Variants in SDK2 observed in about 807,000 individuals in gnomAD.
SDK2 encodes protein sidekick-2.
SDK2 carries 105 observed loss-of-function variants against 253.9 expected under a neutral mutation model. That is an observed-to-expected ratio of 0.41 (90% CI 0.35 to 0.49). The LOEUF is 0.49. Ranked by LOEUF, SDK2 falls within the 20% of genes least tolerant of loss-of-function variation. The pLI is 0.06. For synonymous variants in SDK2, 1,249 were observed against 1,234.9 expected (o/e 1.01, Z -0.24); for missense variants, 2,608 against 3,003.0 (o/e 0.87, Z 3.07).
intron 2 of SDK2, among the ~76,000 whole-genome samples, chr17:73,503,813 G>A (rs2063909619): frequency 1.3e-5 from 2 of 152,178 alleles, no homozygotes; most frequent in African/African-American, 2.4e-5. Flanking sequence ...GGTCAGGGAT[G>A]GTCTGAGCTG....
intron 38 of SDK2, among the ~76,000 whole-genome samples, chr17:73,364,602 G>A (rs1327689279): frequency 2.0e-5 from 3 of 152,204 alleles, no homozygotes; most frequent in African/African-American, 7.2e-5. Flanking sequence ...AGGACCCTCA[G>A]GGGCTCCCCT....
At position 73,354,680 on chromosome 17, in the gene SDK2, A is replaced by C. The variant is rs368460522; in HGVS notation, c.5594-2043T>G. 3.3e-5 allele frequency among the ~76,000 whole-genome samples: 5 copies of C among 152,274 alleles called. No individual in the cohort carries two copies. The East Asian group carries it at 5.8e-4, about 18-fold the overall frequency. ...GCTCCAGGGAGGTCACCCAGTGGCC[A>C]ACAGTGGGTCTTCCAGGCCGCTGCC... On this transcript the variant is annotated intron_variant, in intron 40 of 44. Coordinates refer to ENST00000392650, the MANE Select transcript of SDK2 (RefSeq NM_001144952.2).
chr17:73,583,363 C>G (rs1474670668), intron 1 of SDK2, among the ~76,000 whole-genome samples: 1 of 152,222 alleles, frequency 6.6e-6, no homozygotes, highest in African/African-American at 2.4e-5. Flanking sequence ...CCCATCTTCT[C>G]TCCCACTCGG....
chr17:73,473,775 G>A (rs1184694568), intron 2 of SDK2, among the ~76,000 whole-genome samples: 3 of 152,018 alleles, frequency 2.0e-5, no homozygotes, highest in Non-Finnish European at 2.9e-5. Flanking sequence ...TAAAAAAGTG[G>A]GACCAACATG....
chr17:73,578,311 C>T (rs9894362), intron 1 of SDK2, among the ~76,000 whole-genome samples: 28,506 of 152,014 alleles, frequency 0.19, 2,956 homozygotes, highest in African/African-American at 0.25. Flanking sequence ...GCAATCTGCC[C>T]GCCTCGGCCT....
chr17:73,563,070 A>T (rs1442601681), intron 1 of SDK2, among the ~76,000 whole-genome samples: 1 of 152,118 alleles, frequency 6.6e-6, no homozygotes, highest in Non-Finnish European at 1.5e-5. Flanking sequence ...CTGCCGCCCC[A>T]CCCTGGTCCT....
At chr17:73,432,826 G>A (rs539287126) in intron 10 of SDK2, among the ~76,000 whole-genome samples, 10 of 149,744 alleles carry the variant, frequency 6.7e-5, no homozygotes, top group African/African-American at 9.7e-5. Context: ...GTGTATGTAC[G>A]TGTGCATGTA....
At chr17:73,387,792 G>A (rs374081798) in intron 30 of SDK2, 44 bp downstream of exon 30, 96 of 1,485,576 alleles carry the variant, frequency 6.5e-5, no homozygotes, top group African/African-American at 8.3e-5. Flanking sequence ...TGGTCCCGGC[G>A]GGGAGAGGGG....
At chr17:73,375,433 G>T (rs1196680127) in intron 36 of SDK2, among the ~76,000 whole-genome samples, 1 of 151,826 alleles carries the variant, frequency 6.6e-6, no homozygotes, top group South Asian at 2.1e-4. Context: ...TTTTTGTAGA[G>T]ACAGGCTTTT....
intron 1 of SDK2, among the ~76,000 whole-genome samples, chr17:73,627,559 T>G (rs757851466): frequency 6.6e-6 from 1 of 152,200 alleles, no homozygotes; most frequent in Non-Finnish European, 1.5e-5. Context: ...CACAAAGTCC[T>G]GGGCCAAGGG....
rs571037184 is a variant in SDK2, at chr17:73,570,054, C to T, written c.65-62457G>A. Reference sequence around the variant, plus strand: ...TCAGCGCTCTAACTCTTTCAGGCTTCGGCTGGGGAAGGAAGAGAGTCAGGC... The same window carrying T: ...TCAGCGCTCTAACTCTTTCAGGCTTTGGCTGGGGAAGGAAGAGAGTCAGGC... On this transcript the variant is annotated intron_variant, in intron 1 of 44. Transcript: ENST00000392650. The surrounding 1 kb of genome is among the most constrained non-coding windows in gnomAD (Gnocchi z 4.2). 2.4e-4 allele frequency among the ~76,000 whole-genome samples: 37 copies of T among 152,212 alleles called. No individual in the cohort carries two copies. In the South Asian group the frequency reaches 4.8e-3, roughly 20 times the overall value.
intron 4 of SDK2, among the ~76,000 whole-genome samples, chr17:73,452,346 C>A (rs887277920): frequency 6.6e-6 from 1 of 152,086 alleles, no homozygotes. Flanking sequence ...GAATTTGCTG[C>A]CAGGGACCTT....
chr17:73,585,978 G>A (rs1218017087), intron 1 of SDK2, among the ~76,000 whole-genome samples: 6 of 152,176 alleles, frequency 3.9e-5, no homozygotes, highest in Admixed American at 2.0e-4. Context: ...GGATGTACTC[G>A]GAAAGGGACA....
chr17:73,425,492 G>A (rs990521647), intron 12 of SDK2, among the ~76,000 whole-genome samples: 3 of 152,082 alleles, frequency 2.0e-5, no homozygotes, highest in Non-Finnish European at 4.4e-5. Context: ...TTGTGATCTT[G>A]GGTGAGCTAA....
chr17:73,486,627 AAAAAAAG>A (rs1362206889), intron 2 of SDK2, among the ~76,000 whole-genome samples: 4 of 149,926 alleles, frequency 2.7e-5, no homozygotes, highest in African/African-American at 1.0e-4. Context: ...AAAAAAAAAA[AAAAAAAG>A]AGGCAGAAAG....
At chr17:73,371,225 G>T (rs1374815327) in intron 36 of SDK2, among the ~76,000 whole-genome samples, 1 of 150,206 alleles carries the variant, frequency 6.7e-6, no homozygotes, top group African/African-American at 2.5e-5. Context: ...GGTCATGGCT[G>T]ATGCTAAAAG....
At chr17:73,561,121 AG>A (rs2045226280) in intron 1 of SDK2, among the ~76,000 whole-genome samples, 1 of 152,186 alleles carries the variant, frequency 6.6e-6, no homozygotes, top group Admixed American at 6.5e-5. Flanking sequence ...GCTCCACCCC[AG>A]ACTCCACAAC....
Position 73,612,093 on chromosome 17 carries a change from T to C in SDK2, c.64+31932A>G, listed in dbSNP as rs965606959. Among the ~76,000 whole-genome samples, 2 of 152,206 alleles carry C rather than the reference T, an allele frequency of 1.3e-5. No individual in the cohort carries two copies. The highest frequency in any genetic ancestry group is 4.8e-5 in the African/African-American group (2 of 41,438). On this transcript the variant is annotated intron_variant, in intron 1 of 44. Coordinates refer to ENST00000392650, the MANE Select transcript of SDK2 (RefSeq NM_001144952.2). This position sits in a 1 kb window ranked among gnomAD's most constrained non-coding sequence, Gnocchi z 4.4. Reference sequence around the variant, plus strand: ...AACATGTGGCCTAATGAGTTGATTTTATTAGTTTGCAAACGCATTGAGAAC... The same window carrying C: ...AACATGTGGCCTAATGAGTTGATTTCATTAGTTTGCAAACGCATTGAGAAC...
At chr17:73,623,857 C>T (rs1469758150) in intron 1 of SDK2, among the ~76,000 whole-genome samples, 1 of 152,226 alleles carries the variant, frequency 6.6e-6, no homozygotes, top group Non-Finnish European at 1.5e-5. Flanking sequence ...CAAGAGCTCT[C>T]CTGTGCTTTC....
Sources: allele counts gnomAD v4.1 joint callset (sites outside exome capture counted in the v4.1 genomes callset), GRCh38; gene constraint gnomAD v4.1.1; non-coding constraint Gnocchi (gnomAD v3.1); transcripts MANE v1.5; gene names NCBI Gene and HGNC (gene_info 2026-07-23, HGNC 2026-07-21).